Variants in RASEF observed in about 807,000 individuals in gnomAD.
The protein encoded by RASEF is ras and EF-hand domain-containing protein.
Under a neutral mutation model 90.1 loss-of-function variants are expected in RASEF, and 68 were observed. That is an observed-to-expected ratio of 0.75 (90% CI 0.62 to 0.92). The LOEUF is 0.92. Among genes scored for constraint, RASEF ranks in the 40% least tolerant of loss-of-function variants. The pLI is 0.00. For missense variants in RASEF, 949 were observed against 937.2 expected, an observed-to-expected ratio of 1.01 and a Z score of -0.16; for synonymous variants, 331 against 345.2, an observed-to-expected ratio of 0.96 and a Z score of 0.46.
intron 4 of RASEF, among the ~76,000 whole-genome samples, chr9:83,013,988 C>G (rs1024459739): frequency 1.3e-5 from 2 of 152,132 alleles, no homozygotes; most frequent in African/African-American, 4.8e-5. Context: ...GACACATGGG[C>G]TTTCTTACTG....
the RASEF span, among the ~76,000 whole-genome samples, chr9:83,132,611 T>A: frequency 6.6e-6 from 1 of 152,198 alleles, no homozygotes; most frequent in Non-Finnish European, 1.5e-5. Context: ...CCAAACTCTA[T>A]AGATTTTTGC....
intron 1 of RASEF, among the ~76,000 whole-genome samples, chr9:83,038,787 T>A (rs1829788022): frequency 6.6e-6 from 1 of 152,174 alleles, no homozygotes; most frequent in African/African-American, 2.4e-5. Flanking sequence ...ATTATATAAT[T>A]TAAAGTATAT....
the RASEF span, among the ~76,000 whole-genome samples, chr9:83,177,072 CTA>C: frequency 6.6e-6 from 1 of 151,944 alleles, no homozygotes; most frequent in African/African-American, 2.4e-5. Context: ...CATTGTATTT[CTA>C]TATGTCATAG....
At chr9:83,048,112 T>A (rs1329421156) in intron 1 of RASEF, 6 of 985,220 alleles carry the variant, frequency 6.1e-6, no homozygotes, top group South Asian at 4.7e-5. Flanking sequence ...TGGGTCAGCA[T>A]TACCTGCCTG....
the RASEF span, among the ~76,000 whole-genome samples, chr9:83,106,080 C>G: frequency 2.0e-5 from 3 of 152,184 alleles, no homozygotes; most frequent in Non-Finnish European, 4.4e-5. Flanking sequence ...ACCTTCATCT[C>G]TCTTACCTGG....
chr9:83,126,769 G>A, the RASEF span, among the ~76,000 whole-genome samples: 10 of 152,052 alleles, frequency 6.6e-5, no homozygotes, highest in African/African-American at 1.7e-4. Context: ...CATCATGTGC[G>A]ATATATTTTA....
intron 9 of RASEF, among the ~76,000 whole-genome samples, chr9:83,003,426 G>A (rs1341575775): frequency 1.3e-5 from 2 of 152,288 alleles, no homozygotes; most frequent in South Asian, 2.1e-4. Context: ...GAATCATGGT[G>A]AAATTTCTGA....
chr9:83,072,569 G>A, the RASEF span, among the ~76,000 whole-genome samples: 1 of 152,212 alleles, frequency 6.6e-6, no homozygotes, highest in African/African-American at 2.4e-5. Context: ...CAACAGTGCA[G>A]CCTTCAGTAT....
At chr9:83,171,078 T>C in the RASEF span, among the ~76,000 whole-genome samples, 93 of 152,056 alleles carry the variant, frequency 6.1e-4, no homozygotes, top group African/African-American at 1.4e-3. Flanking sequence ...GTGACCTTTA[T>C]TGTTTTGAAT....
intron 1 of RASEF, among the ~76,000 whole-genome samples, chr9:83,029,559 ATTT>A (rs59621078): frequency 8.4e-5 from 11 of 130,342 alleles, no homozygotes; most frequent in Non-Finnish European, 1.1e-4. Flanking sequence ...CACCAAACTA[ATTT>A]TTTTTTTTTT....
chr9:83,076,444 G>T, the RASEF span, among the ~76,000 whole-genome samples: 1 of 151,384 alleles, frequency 6.6e-6, no homozygotes, highest in Admixed American at 6.6e-5. Context: ...AAAAAAAAAG[G>T]TCACATTTGC....
upstream of RASEF, among the ~76,000 whole-genome samples, chr9:83,066,942 C>T (rs1160772240): frequency 2.0e-5 from 3 of 152,158 alleles, no homozygotes; most frequent in Non-Finnish European, 4.4e-5. Flanking sequence ...GAGGAGACCT[C>T]GTGTTAGACA....
intron 3 of RASEF, among the ~76,000 whole-genome samples, chr9:83,017,325 A>AC (rs1829359601): frequency 6.9e-6 from 1 of 145,232 alleles, no homozygotes; most frequent in Non-Finnish European, 1.5e-5. Context: ...CTCTACTAAA[A>AC]AAAAAAAAAA....
the RASEF span, among the ~76,000 whole-genome samples, chr9:83,208,527 A>G: frequency 6.6e-6 from 1 of 151,970 alleles, no homozygotes; most frequent in African/African-American, 2.4e-5. Flanking sequence ...CTGAACCCCA[A>G]CCTCTCAGGA....
the RASEF span, among the ~76,000 whole-genome samples, chr9:83,143,663 C>T: frequency 2.6e-5 from 4 of 152,102 alleles, no homozygotes; most frequent in Non-Finnish European, 5.9e-5. Flanking sequence ...ACAACAGATG[C>T]TGGCAAGGCT....
the RASEF span, among the ~76,000 whole-genome samples, chr9:83,199,468 T>C: frequency 6.6e-6 from 1 of 152,148 alleles, no homozygotes; most frequent in Admixed American, 6.5e-5. Context: ...AGAATGAGAC[T>C]GTCATGTACA....
chr9:83,184,643 T>C, the RASEF span, among the ~76,000 whole-genome samples: 10 of 152,044 alleles, frequency 6.6e-5, 1 homozygote, highest in South Asian at 6.2e-4. Flanking sequence ...CCTGTGTTTC[T>C]CTCTAAAGAC....
rs931751166 is a variant in RASEF at position 83,049,263 on chromosome 9, C to T, written c.431+13174G>A. On this transcript the variant is annotated intron_variant, in intron 1 of 16. Transcript: ENST00000376447. ...AACAGCATCAGTACATTTCTAAAAT[C>T]GACACACATTTACAAAATCAATGAC... is the stretch of plus-strand genomic sequence containing the variant. The T allele has an allele frequency of 5.9e-5, 57 of 974,264 alleles. No homozygotes were observed. In the African/African-American group the frequency reaches 8.4e-4, roughly 14 times the overall value. 60.4% of individuals were successfully genotyped at this position (974,264 alleles called of 1,614,324 possible).
chr9:83,197,432 C>T, the RASEF span, among the ~76,000 whole-genome samples: 1 of 152,066 alleles, frequency 6.6e-6, no homozygotes, highest in Non-Finnish European at 1.5e-5. Flanking sequence ...TGCTTTAGAC[C>T]CTGGGGATAC....
Sources: allele counts gnomAD v4.1 joint callset (sites outside exome capture counted in the v4.1 genomes callset), GRCh38; gene constraint gnomAD v4.1.1; transcripts MANE v1.5; gene names NCBI Gene and HGNC (gene_info 2026-07-23, HGNC 2026-07-21).